The following RETREG1 variants were observed in gnomAD, a reference collection of about 807,000 sequenced individuals.
The protein encoded by RETREG1 is family with sequence similarity 134 member B.
RETREG1 carries 44 observed loss-of-function variants against 54.8 expected under a neutral mutation model. That is an observed-to-expected ratio of 0.80 (90% CI 0.63 to 1.03). The LOEUF (loss-of-function observed/expected upper bound fraction) is 1.03. Ranked by LOEUF, RETREG1 falls within the 50% of genes least tolerant of loss-of-function variation. RETREG1 has a pLI of 0.00. For synonymous variants in RETREG1, 217 were observed against 238.5 expected (o/e 0.91, Z 0.83); for missense variants, 554 against 605.1 (o/e 0.92, Z 0.89).
At chr5:16,550,831 A>G (rs547052451) in intron 3 of RETREG1, among the ~76,000 whole-genome samples, 45 of 152,350 alleles carry the variant, frequency 3.0e-4, no homozygotes, top group African/African-American at 1.1e-3. Context: ...ACATGAATCA[A>G]CCTTGAAGAT....
chr5:16,524,751 C>T lies in RETREG1; in HGVS notation c.458+41012G>A, dbSNP rs561406137. 1.1e-4 allele frequency among the ~76,000 whole-genome samples: 16 copies of T among 152,370 alleles called. No homozygotes were observed. The East Asian group carries it at 3.1e-3, about 29-fold the overall frequency. ...CCTTCCCAAGCAGTTAAAATCTAAA[C>T]ATCATCCCAATCCTAAAAGTTAAGT... On this transcript the variant is annotated intron_variant, in intron 3 of 8. Transcript: ENST00000306320.
At chr5:16,505,276 G>T (rs185861391) in intron 3 of RETREG1, among the ~76,000 whole-genome samples, 3 of 152,254 alleles carry the variant, frequency 2.0e-5, no homozygotes, top group Admixed American at 6.5e-5. Flanking sequence ...TGTTTCACAG[G>T]GGCCTGGATT....
At chr5:16,579,055 C>T (rs1269609867) in intron 1 of RETREG1, among the ~76,000 whole-genome samples, 2 of 152,108 alleles carry the variant, frequency 1.3e-5, no homozygotes, top group African/African-American at 2.4e-5. Flanking sequence ...CAAAGGGAAC[C>T]GCAAGAGAGC....
chr5:16,548,168 C>A (rs1331090817), intron 3 of RETREG1, among the ~76,000 whole-genome samples: 1 of 152,114 alleles, frequency 6.6e-6, no homozygotes, highest in African/African-American at 2.4e-5. Context: ...AGACTCATTT[C>A]TTTACTCTCT....
chr5:16,577,518 A>G (rs1742360029), intron 1 of RETREG1, among the ~76,000 whole-genome samples: 1 of 152,018 alleles, frequency 6.6e-6, no homozygotes, highest in Admixed American at 6.6e-5. Context: ...TCCCCTCATC[A>G]ATGTCCAATT....
intron 1 of RETREG1, among the ~76,000 whole-genome samples, chr5:16,584,482 A>G (rs936248111): frequency 3.3e-5 from 5 of 152,200 alleles, no homozygotes; most frequent in African/African-American, 1.2e-4. Context: ...TCCTGGCTTT[A>G]TTTAATATTA....
chr5:16,474,493 T>G lies in RETREG1; in HGVS notation c.*248A>C. 1 of 461,502 alleles carries G rather than the reference T, an allele frequency of 2.2e-6. No individual in the cohort carries two copies. The allele number at this position is 461,502 out of a possible 1,614,324, so 28.6% of individuals were successfully genotyped here. A position where few individuals can be genotyped will look rare whatever the true frequency, so the allele number is the denominator to read the frequency against. On this transcript the variant is annotated 3_prime_UTR_variant, in exon 9 of 9. Transcript: ENST00000306320. ...AAAAACAACCCCTAATATTTATCTC[T>G]GACAACACAGTGGTGTGTATAAAGT...
In RETREG1 at chr5:16,516,980, G is replaced by A. The variant is rs190219519; in HGVS notation, c.459-33508C>T. Among the ~76,000 whole-genome samples the A allele has an allele frequency of 1.5e-3, 221 of 152,134 alleles. 3 individuals carry two copies. Among genetic ancestry groups the A allele is most frequent in the Admixed American group, 0.011 (165 of 15,278 alleles). ...AAAAAAATCATAAGATTTCTAAACC[G>A]TATATGTGAGGCTTGAAGCAACAGA... On this transcript the variant is annotated intron_variant, in intron 3 of 8. Transcript: ENST00000306320.
chr5:16,532,795 T>C (rs750577671), intron 3 of RETREG1, among the ~76,000 whole-genome samples: 3 of 152,204 alleles, frequency 2.0e-5, no homozygotes, highest in African/African-American at 4.8e-5. Flanking sequence ...TAAAATACTA[T>C]GGTGAAATGT....
chr5:16,577,945 T>G (rs1340703359), intron 1 of RETREG1, among the ~76,000 whole-genome samples: 3 of 152,214 alleles, frequency 2.0e-5, no homozygotes, highest in Admixed American at 6.5e-5. Flanking sequence ...CCTCTTTTTC[T>G]TTATAAATTA....
intron 3 of RETREG1, among the ~76,000 whole-genome samples, chr5:16,543,624 C>T (rs1417280926): frequency 1.3e-5 from 2 of 149,880 alleles, no homozygotes; most frequent in Admixed American, 6.7e-5. Flanking sequence ...TGCAGTGAGC[C>T]GAGATCGCGC....
chr5:16,605,489 G>T (rs1743162598), intron 1 of RETREG1, among the ~76,000 whole-genome samples: 1 of 152,182 alleles, frequency 6.6e-6, no homozygotes, highest in Non-Finnish European at 1.5e-5. Flanking sequence ...CTAGAGAATG[G>T]AACAAGAATG....
At chr5:16,501,193 A>G (rs775793316) in intron 3 of RETREG1, among the ~76,000 whole-genome samples, 1 of 152,240 alleles carries the variant, frequency 6.6e-6, no homozygotes, top group Non-Finnish European at 1.5e-5. Context: ...TATTTAATCT[A>G]TAAAACAAAC....
At chr5:16,526,873 G>A (rs1740731153) in intron 3 of RETREG1, among the ~76,000 whole-genome samples, 1 of 152,216 alleles carries the variant, frequency 6.6e-6, no homozygotes, top group Non-Finnish European at 1.5e-5. Flanking sequence ...TGCAGAGGAT[G>A]CCACACAGCT....
At position 16,474,391 on chromosome 5, in the gene RETREG1, C is replaced by T; in HGVS notation, c.*350G>A. On this transcript the variant is annotated 3_prime_UTR_variant, in exon 9 of 9. Coordinates refer to ENST00000306320, the MANE Select transcript of RETREG1 (RefSeq NM_001034850.3). ...AAGTTACAATAAACTGTTTTGCATG[C>T]TTGAAAAACTGTAAAGAAAAAGAAT... The T allele has an allele frequency of 4.8e-6, 1 of 208,366 alleles. No individual in the cohort carries two copies. The highest frequency in any genetic ancestry group is 9.6e-6 in the Non-Finnish European group (1 of 103,730). 12.9% of individuals were successfully genotyped at this position (208,366 alleles called of 1,614,324 possible).
chr5:16,535,334 C>T (rs1024116188), intron 3 of RETREG1, among the ~76,000 whole-genome samples: 13 of 152,200 alleles, frequency 8.5e-5, no homozygotes, highest in African/African-American at 2.7e-4. Flanking sequence ...CCTGTGTGCA[C>T]GCTGCCTTCA....
intron 3 of RETREG1, among the ~76,000 whole-genome samples, chr5:16,555,129 C>A (rs1276625846): frequency 6.6e-6 from 1 of 152,130 alleles, no homozygotes; most frequent in Non-Finnish European, 1.5e-5. Flanking sequence ...ATAAACTCTA[C>A]AAGGACAGGG....
intron 3 of RETREG1, among the ~76,000 whole-genome samples, chr5:16,544,711 C>T (rs75071048): frequency 0.033 from 5,021 of 152,266 alleles, 258 homozygotes; most frequent in African/African-American, 0.11. Flanking sequence ...TTTGAACCTT[C>T]GTTGGAAATT....
At chr5:16,535,337 T>A (rs1453914136) in intron 3 of RETREG1, among the ~76,000 whole-genome samples, 1 of 152,234 alleles carries the variant, frequency 6.6e-6, no homozygotes, top group Non-Finnish European at 1.5e-5. Flanking sequence ...GTGTGCACGC[T>A]GCCTTCACAA....
Sources: allele counts gnomAD v4.1 joint callset (sites outside exome capture counted in the v4.1 genomes callset), GRCh38; gene constraint gnomAD v4.1.1; transcripts MANE v1.5; gene names NCBI Gene and HGNC (gene_info 2026-07-23, HGNC 2026-07-21).